SFT2D3: variants seen among roughly 807,000 people sequenced by gnomAD.
SFT2D3 encodes the protein SFT2 domain containing 3, also known as vesicle transport protein SFT2C.
For synonymous variants in SFT2D3, 239 were observed against 191.2 expected (o/e 1.25, Z -2.06); for missense variants, 405 against 334.6 (o/e 1.21, Z -1.64).
In SFT2D3 at chr2:127,701,910, G is replaced by GGCGGC. The variant is rs1250419267; in HGVS notation, c.389_393dup (p.Cys132ArgfsTer164). The GGCGGC allele has an allele frequency of 9.0e-6, 13 of 1,448,860 alleles. No individual in the cohort carries two copies. Among genetic ancestry groups the GGCGGC allele is most frequent in the Non-Finnish European group, 2.7e-6 (3 of 1,107,196 alleles). The allele number at this position is 1,448,860 out of a possible 1,614,324, so 89.8% of individuals were successfully genotyped here. A position where few individuals can be genotyped will look rare whatever the true frequency, so the allele number is the denominator to read the frequency against. On this transcript the variant is annotated frameshift_variant, in exon 1 of 1. Transcript: ENST00000310981. LOFTEE classifies it low-confidence loss of function (END_TRUNC). ...GTTGGCGGGAAGCGCGCTGCTGCGG[G>GGCGGC]GCGGCGCGGCGTGCGGACGCCTGCT...
Position 127,701,878 on chromosome 2 carries a change from C to A in SFT2D3, c.350C>A (p.Ala117Glu). The part of the protein sequence containing the change: ...KFALLWSLGS[A>E]LALAGSALLR... ...GCGCTGCTCTGGTCACTGGGCTCGG[C>A]GCTGGCGTTGGCGGGAAGCGCGCTG... The change falls in exon 1 of 1, where the codon GCG (alanine) becomes GAG (glutamate). Residue 117 changes from alanine (A) to glutamate (E), a missense_variant. By Grantham distance (107) the Ala-to-Glu change is moderately radical (BLOSUM62 -1). Transcript: ENST00000310981. 6.9e-7 allele frequency: 1 copy of A among 1,457,930 alleles called. No individual in the cohort carries two copies. Among genetic ancestry groups the A allele is most frequent in the Non-Finnish European group, 9.0e-7 (1 of 1,110,840 alleles). 90.3% of individuals were successfully genotyped at this position (1,457,930 alleles called of 1,614,324 possible).
In SFT2D3 at chr2:127,701,510, T is replaced by C; in HGVS notation, c.-19T>C. On this transcript the variant is annotated 5_prime_UTR_variant, in exon 1 of 1. Transcript: ENST00000310981. ...GAAGTGAGCCGCAGCTTTTCCTTTC[T>C]GCCACCGCCTTGTCCAAGATGGCGG... 4 of 1,288,428 alleles carry C rather than the reference T, an allele frequency of 3.1e-6. No individual in the cohort carries two copies. Among genetic ancestry groups the C allele is most frequent in the East Asian group, 3.1e-5 (1 of 32,778 alleles). 79.8% of individuals were successfully genotyped at this position (1,288,428 alleles called of 1,614,324 possible). A position where few individuals can be genotyped will look rare whatever the true frequency, so the allele number is the denominator to read the frequency against.
Position 127,701,963 on chromosome 2 carries a change from C to A in SFT2D3, c.435C>A (p.Pro145=). The change falls in exon 1 of 1, where the codon CCC becomes CCA. Residue 145 remains proline, a synonymous_variant. Coordinates refer to ENST00000310981, the MANE Select transcript of SFT2D3 (RefSeq NM_032740.4). The stretch of plus-strand genomic sequence containing the variant: ...GCTGCGAAGAAGCGCCGTCCCGGCC[C>A]GCGCTGCTCTACATGGCAGCGCTGG... The part of the protein sequence containing the change: ...LLRCEEAPSR[P]ALLYMAALGA... 7.2e-7 allele frequency: 1 copy of A among 1,394,768 alleles called. No individual in the cohort carries two copies. Among genetic ancestry groups the A allele is most frequent in the Non-Finnish European group, 9.2e-7 (1 of 1,081,164 alleles). 86.4% of individuals were successfully genotyped at this position (1,394,768 alleles called of 1,614,324 possible).
chr2:127,701,719 G>T lies in SFT2D3; in HGVS notation c.191G>T (p.Gly64Val). Reference protein sequence around the residue: ...ARSPAESAAAGLTCLPSVTRG... With the variant: ...ARSPAESAAAVLTCLPSVTRG... Reference sequence around the variant, plus strand: ...AGCCCTGCGGAGTCGGCAGCGGCCGGCCTGACGTGCCTCCCGAGCGTGACG... The same window carrying T: ...AGCCCTGCGGAGTCGGCAGCGGCCGTCCTGACGTGCCTCCCGAGCGTGACG... Residue 64 changes from glycine to valine, a missense_variant, in exon 1 of 1, where the codon GGC (glycine) becomes GTC (valine). Gly to Val is a moderately radical substitution (Grantham distance 109, BLOSUM62 -3). Transcript: ENST00000310981. 7.3e-7 allele frequency: 1 copy of T among 1,368,194 alleles called. No homozygotes were observed. The highest frequency in any genetic ancestry group is 9.4e-7 in the Non-Finnish European group (1 of 1,062,394). 84.8% of individuals were successfully genotyped at this position (1,368,194 alleles called of 1,614,324 possible).
Position 127,702,885 on chromosome 2 carries a change from G to A in SFT2D3, c.*709G>A, listed in dbSNP as rs1330942279. On this transcript the variant is annotated 3_prime_UTR_variant, in exon 1 of 1. Coordinates refer to ENST00000310981, the MANE Select transcript of SFT2D3 (RefSeq NM_032740.4). ...CGCGTAGATGCTTAACGGTCTCTTC[G>A]GAAATCCTGCAAATAGAAAGATAAT... 6.0e-6 allele frequency: 1 copy of A among 166,798 alleles called. No individual in the cohort carries two copies. The highest frequency in any genetic ancestry group is 2.4e-5 in the African/African-American group (1 of 41,442). The allele number at this position is 166,798 out of a possible 1,614,324, so 10.3% of individuals were successfully genotyped here. A position where few individuals can be genotyped will look rare whatever the true frequency, so the allele number is the denominator to read the frequency against.
In SFT2D3 at chr2:127,702,748, C is replaced by T. The variant is rs896738218; in HGVS notation, c.*572C>T. ...GGGTTTTTTCTTCAGTTAACAAAAT[C>T]ATAAATATGGTGCCTTATAACATGA... On this transcript the variant is annotated 3_prime_UTR_variant, in exon 1 of 1. Coordinates refer to ENST00000310981, the MANE Select transcript of SFT2D3 (RefSeq NM_032740.4). 2.4e-5 allele frequency: 4 copies of T among 167,012 alleles called. No homozygotes were observed. The highest frequency in any genetic ancestry group is 7.2e-5 in the African/African-American group (3 of 41,432). The allele number at this position is 167,012 out of a possible 1,614,324, so 10.3% of individuals were successfully genotyped here. A position where few individuals can be genotyped will look rare whatever the true frequency, so the allele number is the denominator to read the frequency against.
chr2:127,701,968 TGC>T lies in SFT2D3; in HGVS notation c.441_442del (p.Tyr149HisfsTer91). ...GAAGAAGCGCCGTCCCGGCCCGCGC[TGC>T]TCTACATGGCAGCGCTGGGCGCCAC... On this transcript the variant is annotated frameshift_variant, in exon 1 of 1. Coordinates refer to ENST00000310981, the MANE Select transcript of SFT2D3 (RefSeq NM_032740.4). LOFTEE classifies it low-confidence loss of function (END_TRUNC). 7.2e-7 allele frequency: 1 copy of T among 1,386,136 alleles called. No homozygotes were observed. The highest frequency in any genetic ancestry group is 9.3e-7 in the Non-Finnish European group (1 of 1,076,336). 85.9% of individuals were successfully genotyped at this position (1,386,136 alleles called of 1,614,324 possible).
chr2:127,701,562 C>A lies in SFT2D3; in HGVS notation c.34C>A (p.Leu12Met). 2 of 1,368,982 alleles carry A rather than the reference C, an allele frequency of 1.5e-6. No individual in the cohort carries two copies. Among genetic ancestry groups the A allele is most frequent in the Non-Finnish European group, 9.4e-7 (1 of 1,059,704 alleles). 84.8% of individuals were successfully genotyped at this position (1,368,982 alleles called of 1,614,324 possible). ...ADLHRQLQEY[L>M]AQGKAGGPAA... is the part of the protein sequence containing the mutation. ...CCTCCACCGCCAGCTGCAGGAGTAC[C>A]TGGCGCAGGGGAAAGCTGGCGGCCC... The change falls in exon 1 of 1, where the codon CTG becomes ATG. Residue 12 changes from leucine (L) to methionine (M), a missense_variant. Coordinates refer to ENST00000310981, the MANE Select transcript of SFT2D3 (RefSeq NM_032740.4).
In SFT2D3 at chr2:127,702,920, G is replaced by A. The variant is rs1376896644; in HGVS notation, c.*744G>A. Reference sequence around the variant, plus strand: ...CAAATAGAAAGATAATTCTAGATCCGGAATACCTGTATCTGGTGGAAACCA... The same window carrying A: ...CAAATAGAAAGATAATTCTAGATCCAGAATACCTGTATCTGGTGGAAACCA... On this transcript the variant is annotated 3_prime_UTR_variant, in exon 1 of 1. Coordinates refer to ENST00000310981, the MANE Select transcript of SFT2D3 (RefSeq NM_032740.4). 6.0e-6 allele frequency: 1 copy of A among 166,956 alleles called. No homozygotes were observed. The highest frequency in any genetic ancestry group is 2.4e-5 in the African/African-American group (1 of 41,428). The allele number at this position is 166,956 out of a possible 1,614,324, so 10.3% of individuals were successfully genotyped here.
Position 127,701,880 on chromosome 2 carries a change from C to T in SFT2D3, c.352C>T (p.Leu118=). The change falls in exon 1 of 1, where the codon CTG becomes TTG. Residue 118 remains leucine (L), a synonymous_variant. Coordinates refer to ENST00000310981, the MANE Select transcript of SFT2D3 (RefSeq NM_032740.4). ...FALLWSLGSA[L]ALAGSALLRG... The stretch of plus-strand genomic sequence containing the variant: ...GCTGCTCTGGTCACTGGGCTCGGCG[C>T]TGGCGTTGGCGGGAAGCGCGCTGCT... 1 of 1,457,804 alleles carries T rather than the reference C, an allele frequency of 6.9e-7. No homozygotes were observed. The highest frequency in any genetic ancestry group is 9.0e-7 in the Non-Finnish European group (1 of 1,110,828). 90.3% of individuals were successfully genotyped at this position (1,457,804 alleles called of 1,614,324 possible).
Position 127,704,350 on chromosome 2 carries a change from C to T in SFT2D3, c.*2174C>T, listed in dbSNP as rs1249197206. The stretch of plus-strand genomic sequence containing the variant: ...TTTTTAAATGTGATCTGGTTATCTG[C>T]TTACTGAGATACTATGTTTCTAAAG... On this transcript the variant is annotated 3_prime_UTR_variant, in exon 1 of 1. Coordinates refer to ENST00000310981, the MANE Select transcript of SFT2D3 (RefSeq NM_032740.4). 2 of 166,846 alleles carry T rather than the reference C, an allele frequency of 1.2e-5. No individual in the cohort carries two copies. The highest frequency in any genetic ancestry group is 2.9e-5 in the Non-Finnish European group (2 of 68,078). 10.3% of individuals were successfully genotyped at this position (166,846 alleles called of 1,614,324 possible).
At position 127,704,205 on chromosome 2, in the gene SFT2D3, G is replaced by A. The variant is rs532860482; in HGVS notation, c.*2029G>A. The A allele has an allele frequency of 3.0e-5, 5 of 166,532 alleles. No individual in the cohort carries two copies. The South Asian group carries it at 1.0e-3, about 35-fold the overall frequency. The allele number at this position is 166,532 out of a possible 1,614,324, so 10.3% of individuals were successfully genotyped here. A position where few individuals can be genotyped will look rare whatever the true frequency, so the allele number is the denominator to read the frequency against. On this transcript the variant is annotated 3_prime_UTR_variant, in exon 1 of 1. Coordinates refer to ENST00000310981, the MANE Select transcript of SFT2D3 (RefSeq NM_032740.4). ...ACAACATCTAGTATGTATGCTGACA[G>A]TGATGTTTTTAAATGCCATATATAT...
In SFT2D3 at chr2:127,701,981, A is replaced by G; in HGVS notation, c.453A>G (p.Ala151=). 1 of 1,359,092 alleles carries G rather than the reference A, an allele frequency of 7.4e-7. No individual in the cohort carries two copies. The highest frequency in any genetic ancestry group is 1.6e-5 in the South Asian group (1 of 61,314). The allele number at this position is 1,359,092 out of a possible 1,614,324, so 84.2% of individuals were successfully genotyped here. A position where few individuals can be genotyped will look rare whatever the true frequency, so the allele number is the denominator to read the frequency against. The change falls in exon 1 of 1, where the codon GCA becomes GCG. Residue 151 remains alanine, a synonymous_variant. Transcript: ENST00000310981. The stretch of plus-strand genomic sequence containing the variant: ...CCCGGCCCGCGCTGCTCTACATGGC[A>G]GCGCTGGGCGCCACGCTGTTCGCCG... The part of the protein sequence containing the change: ...APSRPALLYM[A]ALGATLFAAL...
At position 127,701,824 on chromosome 2, in the gene SFT2D3, C is replaced by T. The variant is rs1685893323; in HGVS notation, c.296C>T (p.Pro99Leu). The change falls in exon 1 of 1, where the codon CCG (proline) becomes CTG (leucine). Residue 99 changes from proline (P) to leucine (L), a missense_variant. Physicochemically the swap from Pro to Leu is moderately conservative, Grantham distance 98. Coordinates refer to ENST00000310981, the MANE Select transcript of SFT2D3 (RefSeq NM_032740.4). ...LCFGLAALYA[P>L]VLLLRARKFA... ...TTCGGCCTAGCCGCGCTCTACGCAC[C>T]GGTGTTGCTGCTGCGCGCGCGCAAG... The T allele has an allele frequency of 2.1e-6, 3 of 1,457,934 alleles. No homozygotes were observed. The South Asian group carries it at 3.9e-5, about 19-fold the overall frequency. 90.3% of individuals were successfully genotyped at this position (1,457,934 alleles called of 1,614,324 possible). A position where few individuals can be genotyped will look rare whatever the true frequency, so the allele number is the denominator to read the frequency against.
rs570661834 is a variant in SFT2D3, at chr2:127,702,057, GTGGCCGCGCTGC to G, written c.541_552del (p.Leu181_Leu184del). The G allele has an allele frequency of 5.7e-3, 6,938 of 1,224,782 alleles. 29 individuals carry two copies. Among genetic ancestry groups the G allele is most frequent in the Non-Finnish European group, 6.1e-3 (5,992 of 985,234 alleles). The allele number at this position is 1,224,782 out of a possible 1,614,324, so 75.9% of individuals were successfully genotyped here. A position where few individuals can be genotyped will look rare whatever the true frequency, so the allele number is the denominator to read the frequency against. ...CACGGTGCTGGGCGCGGGCGCGCAG[GTGGCCGCGCTGC>G]TGGCCGCGCTGGTTGGGCTGCTGCC... On this transcript the variant is annotated inframe_deletion, in exon 1 of 1. Transcript: ENST00000310981.
At position 127,702,317 on chromosome 2, in the gene SFT2D3, G is replaced by C. The variant is rs1685913580; in HGVS notation, c.*141G>C. The C allele has an allele frequency of 1.1e-6, 1 of 921,756 alleles. No homozygotes were observed. The highest frequency in any genetic ancestry group is 1.4e-6 in the Non-Finnish European group (1 of 715,820). The allele number at this position is 921,756 out of a possible 1,614,324, so 57.1% of individuals were successfully genotyped here. A position where few individuals can be genotyped will look rare whatever the true frequency, so the allele number is the denominator to read the frequency against. ...CTAACAGCCTGCGAGTCTAATCCGGGAGCGGCTGCTGCCAGCGGAGGCGAC... is the reference window on the plus strand; with the variant it reads ...CTAACAGCCTGCGAGTCTAATCCGGCAGCGGCTGCTGCCAGCGGAGGCGAC... On this transcript the variant is annotated 3_prime_UTR_variant, in exon 1 of 1. Coordinates refer to ENST00000310981, the MANE Select transcript of SFT2D3 (RefSeq NM_032740.4).
chr2:127,701,755 G>T lies in SFT2D3; in HGVS notation c.227G>T (p.Arg76Leu), dbSNP rs752590388. 2.0e-4 allele frequency: 278 copies of T among 1,421,090 alleles called. 1 individual carries two copies. The East Asian group carries it at 8.4e-3, about 43-fold the overall frequency. The allele number at this position is 1,421,090 out of a possible 1,614,324, so 88.0% of individuals were successfully genotyped here. ...TCLPSVTRGQ[R>L]LAAGGGCLLL... ...CTCCCGAGCGTGACGCGCGGGCAGC[G>T]GCTGGCGGCGGGCGGCGGGTGCCTG... Residue 76 changes from arginine (R) to leucine (L), a missense_variant, in exon 1 of 1, where the codon CGG (arginine) becomes CTG (leucine). Coordinates refer to ENST00000310981, the MANE Select transcript of SFT2D3 (RefSeq NM_032740.4).
Position 127,701,774 on chromosome 2 carries a change from G to A in SFT2D3, c.246G>A (p.Gly82=). 3.5e-6 allele frequency: 5 copies of A among 1,429,922 alleles called. No individual in the cohort carries two copies. Among genetic ancestry groups the A allele is most frequent in the Non-Finnish European group, 4.6e-6 (5 of 1,091,820 alleles). 88.6% of individuals were successfully genotyped at this position (1,429,922 alleles called of 1,614,324 possible). Residue 82 remains glycine (G), a synonymous_variant, in exon 1 of 1, where the codon GGG becomes GGA. Coordinates refer to ENST00000310981, the MANE Select transcript of SFT2D3 (RefSeq NM_032740.4). ...TRGQRLAAGG[G]CLLLAALCFG... ...GGCAGCGGCTGGCGGCGGGCGGCGG[G>A]TGCCTGCTGCTGGCTGCACTGTGTT... is the stretch of plus-strand genomic sequence containing the variant.
In SFT2D3 at chr2:127,701,911, G is replaced by A; in HGVS notation, c.383G>A (p.Gly128Asp). Residue 128 changes from glycine to aspartate, a missense_variant, in exon 1 of 1, where the codon GGC becomes GAC. Gly to Asp is a moderately conservative substitution (Grantham distance 94, BLOSUM62 -1). Transcript: ENST00000310981. ...TTGGCGGGAAGCGCGCTGCTGCGGG[G>A]CGGCGCGGCGTGCGGACGCCTGCTG... ...LALAGSALLR[G>D]GAACGRLLRC... The A allele has an allele frequency of 2.1e-6, 3 of 1,449,038 alleles. No homozygotes were observed. Among genetic ancestry groups the A allele is most frequent in the Non-Finnish European group, 2.7e-6 (3 of 1,107,262 alleles). 89.8% of individuals were successfully genotyped at this position (1,449,038 alleles called of 1,614,324 possible).
Sources: allele counts gnomAD v4.1 joint callset, GRCh38; gene constraint gnomAD v4.1.1; transcripts MANE v1.5; gene names NCBI Gene and HGNC (gene_info 2026-07-23, HGNC 2026-07-21).